STT3B: variants seen among roughly 807,000 people sequenced by gnomAD.
The protein encoded by STT3B is dolichyl-diphosphooligosaccharide--protein glycosyltransferase subunit STT3B.
Under a neutral mutation model 96.8 loss-of-function variants are expected in STT3B, and 29 were observed. The ratio of observed to expected loss-of-function variants is 0.30; its 90% confidence interval spans 0.22 to 0.41. STT3B has a LOEUF of 0.41. Among genes scored for constraint, STT3B ranks in the 10% least tolerant of loss-of-function variants. The pLI is 1.00. For missense variants in STT3B, 640 were observed against 1,022.3 expected (o/e 0.63, Z 5.10); for synonymous variants, 367 against 360.0 (o/e 1.02, Z -0.22).
chr3:31,600,569 TAATTTTGTG>T, intron 5 of STT3B, 110 bp downstream of exon 5: 1 of 480,186 alleles, frequency 2.1e-6, no homozygotes, highest in Non-Finnish European at 3.6e-6. Context: ...AAGGTAAAAA[TAATTTTGTG>T]TTCATTTTGC....
At chr3:31,582,898 G>T (rs570276679) in intron 3 of STT3B, among the ~76,000 whole-genome samples, 86 of 152,190 alleles carry the variant, frequency 5.7e-4, no homozygotes, top group African/African-American at 1.8e-3. Flanking sequence ...AAGATACTTT[G>T]TATGGTATCT....
chr3:31,558,893 C>T (rs562881424), intron 1 of STT3B, among the ~76,000 whole-genome samples: 102 of 148,658 alleles, frequency 6.9e-4, no homozygotes, highest in Non-Finnish European at 1.1e-3. Flanking sequence ...ATTCTTGATT[C>T]AATCTTGATA....
At chr3:31,601,863 A>G (rs1388843816) in intron 5 of STT3B, among the ~76,000 whole-genome samples, 8 of 152,212 alleles carry the variant, frequency 5.3e-5, no homozygotes, top group South Asian at 2.1e-4. Context: ...GGTAGGTACT[A>G]TTCTCATTTT....
intron 1 of STT3B, among the ~76,000 whole-genome samples, chr3:31,562,231 A>T (rs1456534410): frequency 6.6e-6 from 1 of 152,090 alleles, no homozygotes; most frequent in Non-Finnish European, 1.5e-5. Flanking sequence ...AGCGGTGGAC[A>T]ACTCCCTGGA....
chr3:31,539,309 G>C (rs1697174485), intron 1 of STT3B, among the ~76,000 whole-genome samples: 1 of 152,088 alleles, frequency 6.6e-6, no homozygotes, highest in South Asian at 2.1e-4. Flanking sequence ...AATGTTGCAA[G>C]ATAACTTTAA....
At chr3:31,533,421 C>A in intron 1 of STT3B, 109 bp downstream of exon 1, 2 of 1,257,732 alleles carry the variant, frequency 1.6e-6, no homozygotes, top group Non-Finnish European at 2.0e-6. Context: ...CGCGGAGCCC[C>A]GCTCGCGTCC....
intron 5 of STT3B, 142 bp downstream of exon 5, chr3:31,600,601 T>C (rs1698907265): frequency 2.3e-6 from 1 of 429,230 alleles, no homozygotes; most frequent in African/African-American, 2.0e-5. Context: ...TTTATATTGA[T>C]AAGGTCAGGC....
chr3:31,601,271 T>C (rs1255111520), intron 5 of STT3B, among the ~76,000 whole-genome samples: 5 of 152,186 alleles, frequency 3.3e-5, no homozygotes, highest in Non-Finnish European at 7.4e-5. Context: ...CAGCATTTAT[T>C]GTGCATAATG....
rs376860907 is a variant in STT3B at position 31,617,027 on chromosome 3, C to T, written c.1075C>T (p.Leu359=). 32 of 1,611,930 alleles carry T rather than the reference C, an allele frequency of 2.0e-5. No homozygotes were observed. Among genetic ancestry groups the T allele is most frequent in the Non-Finnish European group, 2.4e-5 (28 of 1,178,374 alleles). Residue 359 remains leucine (L), a synonymous_variant, in exon 7 of 16, where the codon CTA becomes TTA. Transcript: ENST00000295770. ...FQTLFFLGVS[L]AAGAVFLSVI... Reference sequence around the variant, plus strand: ...GACCCTTTTCTTTTTGGGTGTATCACTAGCTGCAGGTGCTGTGTTCCTTAG... The same window carrying T: ...GACCCTTTTCTTTTTGGGTGTATCATTAGCTGCAGGTGCTGTGTTCCTTAG...
At chr3:31,612,639 A>G (rs978402397) in intron 5 of STT3B, among the ~76,000 whole-genome samples, 7 of 152,156 alleles carry the variant, frequency 4.6e-5, no homozygotes, top group African/African-American at 1.7e-4. Context: ...TCTGTATAAA[A>G]TGTTTTCTAC....
At chr3:31,571,817 A>G (rs1698144936) in intron 1 of STT3B, among the ~76,000 whole-genome samples, 1 of 151,606 alleles carries the variant, frequency 6.6e-6, no homozygotes, top group Non-Finnish European at 1.5e-5. Flanking sequence ...GGGAATTTGC[A>G]TGAATGAAAA....
chr3:31,631,667 C>G (rs1055472405), intron 14 of STT3B, among the ~76,000 whole-genome samples: 1 of 152,030 alleles, frequency 6.6e-6, no homozygotes, highest in African/African-American at 2.4e-5. Flanking sequence ...TTGAGTTTGG[C>G]CAGGCCTGGT....
intron 1 of STT3B, among the ~76,000 whole-genome samples, chr3:31,566,184 G>C (rs1271996213): frequency 6.6e-6 from 1 of 152,148 alleles, no homozygotes; most frequent in African/African-American, 2.4e-5. Flanking sequence ...GGAACAGTTT[G>C]AAATCTTTAA....
chr3:31,576,011 T>C (rs551693420), intron 1 of STT3B, among the ~76,000 whole-genome samples: 1 of 152,262 alleles, frequency 6.6e-6, no homozygotes, highest in African/African-American at 2.4e-5. Context: ...TATTATAGTT[T>C]AAAGCCAATG....
At chr3:31,571,027 T>G (rs1032904774) in intron 1 of STT3B, among the ~76,000 whole-genome samples, 1 of 152,130 alleles carries the variant, frequency 6.6e-6, no homozygotes, top group Non-Finnish European at 1.5e-5. Flanking sequence ...GAACAGACAC[T>G]GAAGCCCAAG....
In STT3B at chr3:31,577,071, G is replaced by A. The variant is rs577310012; in HGVS notation, c.423+567G>A. ...AGACAAAGCAACATTGTCTTGTATC[G>A]GAGAAATATATGTTTGATTTTTTTA... On this transcript the variant is annotated intron_variant, in intron 2 of 15. Coordinates refer to ENST00000295770, the MANE Select transcript of STT3B (RefSeq NM_178862.3). 2.8e-4 allele frequency among the ~76,000 whole-genome samples: 43 copies of A among 152,134 alleles called. 1 individual carries two copies. Among genetic ancestry groups the A allele is most frequent in the Admixed American group, 1.1e-3 (17 of 15,266 alleles).
chr3:31,629,807 T>A (rs555754468), intron 14 of STT3B, among the ~76,000 whole-genome samples: 94 of 152,302 alleles, frequency 6.2e-4, no homozygotes, highest in African/African-American at 2.1e-3. Flanking sequence ...AAATAGTCAC[T>A]TCAGATGTTC....
Position 31,629,356 on chromosome 3 carries a change from C to G in STT3B, c.2132C>G (p.Thr711Ser), listed in dbSNP as rs1474022009. ...CGTGTAGACAAAGCAGGATCCCCTA[C>G]TTTGTTGAATTGCCTTATGTATAAA... ...EFRVDKAGSP[T>S]LLNCLMYKMS... The change falls in exon 14 of 16, where the codon ACT becomes AGT. Residue 711 changes from threonine to serine, a missense_variant. Around this residue, in one of 8 missense-constraint regions of STT3B, gnomAD observed 40 missense variants for 122.2 expected, o/e 0.33. Transcript: ENST00000295770. 1 of 1,611,176 alleles carries G rather than the reference C, an allele frequency of 6.2e-7. No individual in the cohort carries two copies. The highest frequency in any genetic ancestry group is 8.5e-7 in the Non-Finnish European group (1 of 1,178,544).
chr3:31,577,843 C>G (rs1477940988), intron 2 of STT3B, among the ~76,000 whole-genome samples: 1 of 152,032 alleles, frequency 6.6e-6, no homozygotes. Flanking sequence ...TTATCATATA[C>G]CTAAATTGTA....
Sources: allele counts gnomAD v4.1 joint callset (sites outside exome capture counted in the v4.1 genomes callset), GRCh38; gene constraint gnomAD v4.1.1; regional missense constraint gnomAD v4.1.1; transcripts MANE v1.5; gene names NCBI Gene and HGNC (gene_info 2026-07-23, HGNC 2026-07-21).